RBFOX1: variants seen among roughly 807,000 people sequenced by gnomAD.
RBFOX1 encodes RNA binding protein fox-1 homolog 1.
Under a neutral mutation model 57.7 loss-of-function variants are expected in RBFOX1, and 8 were observed. The ratio of observed to expected loss-of-function variants is 0.14; its 90% confidence interval spans 0.08 to 0.25. RBFOX1 has a LOEUF of 0.25. RBFOX1 is among the 10% of genes least tolerant of loss of function. RBFOX1 has a pLI of 1.00. For synonymous variants in RBFOX1, 326 were observed against 222.4 expected, an observed-to-expected ratio of 1.47 and a Z score of -4.15; for missense variants, 611 against 548.5, an observed-to-expected ratio of 1.11 and a Z score of -1.14.
intron 3 of RBFOX1, among the ~76,000 whole-genome samples, chr16:7,050,485 C>T (rs549597413): frequency 1.3e-5 from 2 of 152,122 alleles, no homozygotes; most frequent in African/African-American, 4.8e-5. Context: ...AGGTTTGTCT[C>T]GAATTCCTGA....
chr16:6,672,609 TAA>T, intron 3 of RBFOX1, among the ~76,000 whole-genome samples: 1 of 152,070 alleles, frequency 6.6e-6, no homozygotes, highest in Admixed American at 6.5e-5. Context: ...AACAAGCATA[TAA>T]GACTACTGAC....
chr16:7,193,973 T>G (rs1470305515), intron 4 of RBFOX1, among the ~76,000 whole-genome samples: 1 of 152,020 alleles, frequency 6.6e-6, no homozygotes, highest in African/African-American at 2.4e-5. Context: ...TTTTAAGGAT[T>G]GGCTAAAAAT....
intron 4 of RBFOX1, among the ~76,000 whole-genome samples, chr16:7,358,294 C>T (rs1324181373): frequency 1.3e-5 from 2 of 152,222 alleles, no homozygotes; most frequent in Non-Finnish European, 2.9e-5. Context: ...CCGAAAGGGA[C>T]AGGTGACAGT....
chr16:7,557,619 C>CAAAAAAAAAAAAAAAAAA (rs1170051114), intron 5 of RBFOX1, among the ~76,000 whole-genome samples: 27 of 40,696 alleles, frequency 6.6e-4, no homozygotes, highest in East Asian at 3.2e-3. Flanking sequence ...GACTCTGTCT[C>CAAAAAAAAAAAAAAAAAA]AAAAAAAAAA....
At chr16:6,649,970 A>T (rs967283615) in intron 2 of RBFOX1, among the ~76,000 whole-genome samples, 1 of 152,162 alleles carries the variant, frequency 6.6e-6, no homozygotes, top group African/African-American at 2.4e-5. Context: ...CTGCTATAAA[A>T]GTGGGGTATT....
At chr16:6,245,846 C>G (rs1412332024) in intron 1 of RBFOX1, among the ~76,000 whole-genome samples, 1 of 152,184 alleles carries the variant, frequency 6.6e-6, no homozygotes, top group Non-Finnish European at 1.5e-5. Context: ...CATTCCCTGC[C>G]TTCATCAGGA....
chr16:6,444,576 C>T (rs1190015065), intron 2 of RBFOX1, among the ~76,000 whole-genome samples: 2 of 152,268 alleles, frequency 1.3e-5, no homozygotes, highest in East Asian at 3.9e-4. Context: ...TTCCTCTTTG[C>T]CTTCTGCCAT....
intron 3 of RBFOX1, among the ~76,000 whole-genome samples, chr16:6,921,896 A>C (rs1005778198): frequency 1.3e-5 from 2 of 152,124 alleles, no homozygotes; most frequent in Non-Finnish European, 2.9e-5. Flanking sequence ...GAGATTATGC[A>C]AGGGTGAGAA....
chr16:5,565,266 TGTGCGTGTGTGCACGTGC>T (rs1191476595), intron 2 of RBFOX1, among the ~76,000 whole-genome samples: 1 of 150,648 alleles, frequency 6.6e-6, no homozygotes, highest in Non-Finnish European at 1.5e-5. Context: ...GGTGTGTGTG[TGTGCGTGTGTGCACGTGC>T]GTGCGTGTGT....
chr16:6,735,372 C>G (rs1370602615), intron 3 of RBFOX1, among the ~76,000 whole-genome samples: 2 of 152,158 alleles, frequency 1.3e-5, no homozygotes, highest in Admixed American at 1.3e-4. Context: ...CTTGTACCTA[C>G]TATTCAGGGC....
chr16:7,615,828 A>G (rs78871533), intron 10 of RBFOX1, among the ~76,000 whole-genome samples: 2 of 152,228 alleles, frequency 1.3e-5, no homozygotes, highest in East Asian at 1.9e-4. Flanking sequence ...TTGACCACAA[A>G]TCGTTATCTG....
At position 5,424,974 on chromosome 16, in the gene RBFOX1, C is replaced by CTTTCTTTTCTTTTCT. The variant is rs372212119; in HGVS notation, c.220-42214_220-42200dup. 1.1e-3 allele frequency among the ~76,000 whole-genome samples: 80 copies of CTTTCTTTTCTTTTCT among 70,680 alleles called. 4 individuals are homozygous for CTTTCTTTTCTTTTCT. The highest frequency in any genetic ancestry group is 5.2e-3 in the Middle Eastern group (1 of 194). The allele number at this position is 70,680 out of a possible 152,430, so 46.4% of individuals were successfully genotyped here. ...TTCCTTTGTTTCTTTCTCTTTCTTT[C>CTTTCTTTTCTTTTCT]TTTCTTTTCTTTTCTTTTCTTTTCT... On this transcript the variant is annotated intron_variant, in intron 1 of 2. Coordinates refer to the RBFOX1 transcript ENST00000585867.
rs1464451829 is a variant in RBFOX1 at position 6,019,140 on chromosome 16, CCTT to C, written c.-978_-976del. ...ATTTTCTCGCGCTCTCTCCGGCTCT[CCTT>C]TGTTTATTTTCTAATCTATATTTTT... On this transcript the variant is annotated 5_prime_UTR_variant, in exon 1 of 16. Transcript: ENST00000550418. The surrounding 1 kb of genome is among the most constrained non-coding windows in gnomAD (Gnocchi z 4.2). 2.0e-6 allele frequency: 2 copies of C among 984,972 alleles called. No individual in the cohort carries two copies. The highest frequency in any genetic ancestry group is 2.4e-6 in the Non-Finnish European group (2 of 829,950). 61.0% of individuals were successfully genotyped at this position (984,972 alleles called of 1,614,324 possible). A position where few individuals can be genotyped will look rare whatever the true frequency, so the allele number is the denominator to read the frequency against.
chr16:6,071,099 G>C (rs1179514401), intron 1 of RBFOX1, among the ~76,000 whole-genome samples: 1 of 152,186 alleles, frequency 6.6e-6, no homozygotes, highest in African/African-American at 2.4e-5. Flanking sequence ...GAGGCTGGCA[G>C]ATTGCCTGAG....
At chr16:7,396,002 G>A (rs1021178928) in intron 4 of RBFOX1, among the ~76,000 whole-genome samples, 2 of 152,108 alleles carry the variant, frequency 1.3e-5, no homozygotes, top group African/African-American at 2.4e-5. Flanking sequence ...TGGCAAGGAG[G>A]GGAGCTTTCT....
chr16:7,007,480 A>C lies in RBFOX1; in HGVS notation c.-15-44577A>C, dbSNP rs923145216. On this transcript the variant is annotated intron_variant, in intron 3 of 15. Transcript: ENST00000550418. The stretch of plus-strand genomic sequence containing the variant: ...CTTTTGATAACATCTAGAAAATCCT[A>C]TTTGTCATGTCACGCATCGTATTGA... Among the ~76,000 whole-genome samples, 10 of 152,256 alleles carry C rather than the reference A, an allele frequency of 6.6e-5. 1 individual carries two copies. The highest frequency in any genetic ancestry group is 5.2e-4 in the Admixed American group (8 of 15,290).
chr16:7,101,086 A>G (rs932047512), intron 4 of RBFOX1, among the ~76,000 whole-genome samples: 1 of 152,246 alleles, frequency 6.6e-6, no homozygotes, highest in Non-Finnish European at 1.5e-5. Context: ...TCAAAGAATA[A>G]AAGCTAGTAT....
chr16:5,639,652 C>G (rs1287605638), intron 3 of RBFOX1, among the ~76,000 whole-genome samples: 2 of 152,298 alleles, frequency 1.3e-5, no homozygotes, highest in South Asian at 2.1e-4. Context: ...GTGCTGCTGT[C>G]TCTCTCTTTC....
chr16:5,810,623 C>G (rs915636408), intron 3 of RBFOX1, among the ~76,000 whole-genome samples: 1 of 152,090 alleles, frequency 6.6e-6, no homozygotes, highest in Non-Finnish European at 1.5e-5. Flanking sequence ...TGACCCAGCC[C>G]GTGGAACTCC....
Sources: gnomAD v4.1 joint callset for allele counts (sites outside exome capture counted in the v4.1 genomes callset) on GRCh38, gnomAD v4.1.1 for gene constraint, Gnocchi (gnomAD v3.1) non-coding constraint, MANE v1.5 for transcripts, NCBI Gene and HGNC (gene_info 2026-07-23, HGNC 2026-07-21) for gene names.